BRINP3: variants seen among roughly 807,000 people sequenced by gnomAD.
BRINP3 encodes the protein BMP/retinoic acid-inducible neural-specific protein 3.
In BRINP3, 19 loss-of-function variants were observed where a neutral mutation model predicts 71.0. The ratio of observed to expected loss-of-function variants is 0.27; its 90% confidence interval spans 0.19 to 0.39. The LOEUF is 0.39. BRINP3 is among the 10% of genes least tolerant of loss of function. BRINP3 has a pLI of 1.00. For synonymous variants in BRINP3, 380 were observed against 337.7 expected (o/e 1.13, Z -1.37); for missense variants, 959 against 940.8 (o/e 1.02, Z -0.25).
At chr1:190,154,899 T>C (rs1280555617) in intron 7 of BRINP3, among the ~76,000 whole-genome samples, 4 of 152,132 alleles carry the variant, frequency 2.6e-5, no homozygotes, top group Non-Finnish European at 2.9e-5. Context: ...TTGGTGGATC[T>C]GTTATCAAAA....
intron 2 of BRINP3, among the ~76,000 whole-genome samples, chr1:190,383,321 A>T (rs879297461): frequency 6.6e-6 from 1 of 152,086 alleles, no homozygotes; most frequent in Non-Finnish European, 1.5e-5. Flanking sequence ...ATATTATGGC[A>T]TTTGGTAATT....
intron 6 of BRINP3, among the ~76,000 whole-genome samples, chr1:190,177,088 T>A (rs1011899057): frequency 1.3e-4 from 20 of 151,626 alleles, no homozygotes; most frequent in Non-Finnish European, 2.8e-4. Flanking sequence ...ACATCTCCAA[T>A]TGACTACTAG....
intron 2 of BRINP3, among the ~76,000 whole-genome samples, chr1:190,426,402 C>T (rs1673710298): frequency 6.6e-6 from 1 of 151,920 alleles, no homozygotes; most frequent in South Asian, 2.1e-4. Context: ...ACCCAAAATG[C>T]CTGGGACCAG....
rs139844589 is a variant in BRINP3 at position 190,344,655 on chromosome 1, G to A, written c.237-62905C>T. Among the ~76,000 whole-genome samples the A allele has an allele frequency of 2.1e-3, 317 of 151,856 alleles. 1 individual carries two copies. Among genetic ancestry groups the A allele is most frequent in the African/African-American group, 7.3e-3 (301 of 41,510 alleles). The stretch of plus-strand genomic sequence containing the variant: ...ATCTGACAAGAATCAGACCACAAAG[G>A]AAAGAATGTGCATAATATCAAGTGT... On this transcript the variant is annotated intron_variant, in intron 2 of 7. Transcript: ENST00000367462.
intron 7 of BRINP3, among the ~76,000 whole-genome samples, chr1:190,110,250 G>A (rs1436865670): frequency 1.4e-4 from 21 of 152,052 alleles, no homozygotes. Flanking sequence ...GTCTGTCTAG[G>A]AAAATGAGGT....
intron 6 of BRINP3, among the ~76,000 whole-genome samples, chr1:190,188,612 AT>A (rs59538980): frequency 2.0e-5 from 3 of 150,684 alleles, no homozygotes; most frequent in South Asian, 2.1e-4. Context: ...TGAAAACATC[AT>A]TTTTTTTTCT....
At chr1:190,190,574 C>T (rs1233430812) in intron 6 of BRINP3, among the ~76,000 whole-genome samples, 1 of 151,792 alleles carries the variant, frequency 6.6e-6, no homozygotes, top group Non-Finnish European at 1.5e-5. Flanking sequence ...CTTGATAATA[C>T]AAAAAAATAC....
At chr1:190,327,351 G>GAAAAAAAAAAAAAAAAAAAAAAAAAAAAA (rs1666667604) in intron 2 of BRINP3, among the ~76,000 whole-genome samples, 1 of 65,760 alleles carries the variant, frequency 1.5e-5, no homozygotes, top group Non-Finnish European at 3.5e-5. Context: ...AAAAAAAAAA[G>GAAAAAAAAAAAAAAAAAAAAAAAAAAAAA]GAAAAAAAAA....
chr1:190,465,048 G>A (rs1302893143), intron 1 of BRINP3, among the ~76,000 whole-genome samples: 2 of 151,948 alleles, frequency 1.3e-5, no homozygotes, highest in Non-Finnish European at 2.9e-5. Context: ...TTAGAAGAAT[G>A]AAGAGAAGGT....
chr1:190,170,836 G>A (rs1399728921), intron 6 of BRINP3, among the ~76,000 whole-genome samples: 1 of 152,122 alleles, frequency 6.6e-6, no homozygotes, highest in Non-Finnish European at 1.5e-5. Flanking sequence ...GGCTACATTA[G>A]TAAAATTTAC....
At chr1:190,147,159 A>G (rs1269868861) in intron 7 of BRINP3, among the ~76,000 whole-genome samples, 1 of 152,006 alleles carries the variant, frequency 6.6e-6, no homozygotes, top group South Asian at 2.1e-4. Context: ...ATTATATTCT[A>G]TGGGGCTTTC....
chr1:190,382,497 G>C (rs1670609647), intron 2 of BRINP3, among the ~76,000 whole-genome samples: 1 of 152,062 alleles, frequency 6.6e-6, no homozygotes, highest in Admixed American at 6.6e-5. Flanking sequence ...TTTTGCAAAA[G>C]ATCACAATGA....
At chr1:190,299,079 G>A (rs1347102879) in intron 2 of BRINP3, among the ~76,000 whole-genome samples, 1 of 151,888 alleles carries the variant, frequency 6.6e-6, no homozygotes, top group Non-Finnish European at 1.5e-5. Flanking sequence ...AGATTTCTTT[G>A]CTCTGAATTC....
At chr1:190,408,540 C>A (rs1011341513) in intron 2 of BRINP3, among the ~76,000 whole-genome samples, 1 of 152,016 alleles carries the variant, frequency 6.6e-6, no homozygotes, top group Non-Finnish European at 1.5e-5. Flanking sequence ...CTAAAAAGCT[C>A]CTTTTGAAGA....
intron 7 of BRINP3, chr1:190,154,157 G>T: frequency 2.8e-6 from 2 of 720,224 alleles, no homozygotes; most frequent in South Asian, 1.3e-4. Context: ...CTTCCCTTAA[G>T]AACCAATTTA....
At chr1:190,372,833 T>C (rs1271997487) in intron 2 of BRINP3, among the ~76,000 whole-genome samples, 1 of 152,142 alleles carries the variant, frequency 6.6e-6, no homozygotes, top group Non-Finnish European at 1.5e-5. Flanking sequence ...TTTAAATAAA[T>C]GGACAAAAGT....
intron 2 of BRINP3, among the ~76,000 whole-genome samples, chr1:190,290,888 AGTGT>A (rs1039733202): frequency 3.6e-4 from 54 of 151,242 alleles, no homozygotes; most frequent in African/African-American, 1.2e-3. Context: ...TATATCTGTG[AGTGT>A]TTGTGTGTGT....
intron 4 of BRINP3, among the ~76,000 whole-genome samples, chr1:190,240,975 T>C (rs1027884192): frequency 4.0e-5 from 6 of 151,748 alleles, no homozygotes; most frequent in Non-Finnish European, 8.8e-5. Flanking sequence ...TTCCATTATG[T>C]TTTATTATGC....
rs970240592 is a variant in BRINP3 at position 190,098,234 on chromosome 1, G to C, written c.2085C>G (p.Ser695=). 4 of 1,613,962 alleles carry C rather than the reference G, an allele frequency of 2.5e-6. No homozygotes were observed. In the African/African-American group the frequency reaches 5.3e-5, roughly 22 times the overall value. ...GTAGTTGCAAAAGTGCTGAATCCTG[G>C]GATCCCTGAGTATAGGGGTAGTCCA... The part of the protein sequence containing the change: ...LQLDYPYTQG[S]QDSALLQLLE... Residue 695 remains serine, a synonymous_variant, in exon 8 of 8, where the codon TCC becomes TCG. Coordinates refer to ENST00000367462, the MANE Select transcript of BRINP3 (RefSeq NM_199051.3).
Sources: allele counts gnomAD v4.1 joint callset (sites outside exome capture counted in the v4.1 genomes callset), GRCh38; gene constraint gnomAD v4.1.1; transcripts MANE v1.5; gene names NCBI Gene and HGNC (gene_info 2026-07-23, HGNC 2026-07-21).